Variants in GPC5 observed in about 807,000 individuals in gnomAD.
The protein encoded by GPC5 is glypican-5.
GPC5 carries 47 observed loss-of-function variants against 53.9 expected under a neutral mutation model. The ratio of observed to expected loss-of-function variants is 0.87; its 90% CI spans 0.69 to 1.11. GPC5 has a LOEUF of 1.11. GPC5 is among the 50% of genes most tolerant of loss of function. The probability of loss-of-function intolerance (pLI) is 0.00; values close to 1 mark genes in which losing one functional copy is unlikely to be tolerated. For synonymous variants in GPC5, 286 were observed against 263.3 expected, an observed-to-expected ratio of 1.09 and a Z score of -0.84; for missense variants, 748 against 713.1, an observed-to-expected ratio of 1.05 and a Z score of -0.56.
chr13:92,607,533 G>A (rs561459187), intron 7 of GPC5, among the ~76,000 whole-genome samples: 16 of 152,130 alleles, frequency 1.1e-4, no homozygotes, highest in Admixed American at 3.3e-4. Flanking sequence ...TCCCTCTAAT[G>A]GAAGAGACTG....
intron 6 of GPC5, among the ~76,000 whole-genome samples, chr13:91,933,737 T>C (rs1403718527): frequency 1.3e-5 from 2 of 151,990 alleles, no homozygotes; most frequent in African/African-American, 4.8e-5. Flanking sequence ...TGTATTCTAC[T>C]GTGTATCATA....
At chr13:91,593,541 C>A (rs755402098) in intron 2 of GPC5, among the ~76,000 whole-genome samples, 17 of 152,100 alleles carry the variant, frequency 1.1e-4, no homozygotes, top group Middle Eastern at 3.2e-3. Context: ...TAATTTAACT[C>A]ATTTCTTCAA....
intron 7 of GPC5, among the ~76,000 whole-genome samples, chr13:92,740,060 C>T (rs1889044125): frequency 6.6e-6 from 1 of 151,922 alleles, no homozygotes; most frequent in African/African-American, 2.4e-5. Context: ...TATAACCTTC[C>T]TTCCCTATCC....
At chr13:92,114,464 G>T (rs7986858) in intron 6 of GPC5, among the ~76,000 whole-genome samples, 1 of 151,962 alleles carries the variant, frequency 6.6e-6, no homozygotes, top group Non-Finnish European at 1.5e-5. Context: ...GTGTTTTCCC[G>T]GGATAAGAGG....
At chr13:92,519,512 C>T (rs1162782164) in intron 7 of GPC5, among the ~76,000 whole-genome samples, 1 of 152,166 alleles carries the variant, frequency 6.6e-6, no homozygotes, top group Non-Finnish European at 1.5e-5. Context: ...ACTGAACAAC[C>T]TGCTCTTGAA....
chr13:92,314,813 C>T (rs2043167649), intron 7 of GPC5, among the ~76,000 whole-genome samples: 1 of 152,252 alleles, frequency 6.6e-6, no homozygotes, highest in South Asian at 2.1e-4. Flanking sequence ...TGCTCTGCCA[C>T]CCAGGCTGGA....
intron 6 of GPC5, among the ~76,000 whole-genome samples, chr13:92,031,004 T>A (rs553881219): frequency 2.6e-5 from 4 of 152,270 alleles, no homozygotes; most frequent in Non-Finnish European, 5.9e-5. Flanking sequence ...CCTATAAAAA[T>A]TTTTCATGGC....
At chr13:91,871,793 G>T (rs1030961150) in intron 5 of GPC5, among the ~76,000 whole-genome samples, 3 of 151,702 alleles carry the variant, frequency 2.0e-5, no homozygotes, top group Non-Finnish European at 4.4e-5. Context: ...ATGGAGTGAG[G>T]GAGAGAAAAT....
intron 7 of GPC5, among the ~76,000 whole-genome samples, chr13:92,409,303 A>G (rs1254243214): frequency 6.6e-6 from 1 of 151,894 alleles, no homozygotes; most frequent in Non-Finnish European, 1.5e-5. Flanking sequence ...AAATACAAAG[A>G]ACAATTAAAA....
chr13:92,448,181 A>G (rs768291614), intron 7 of GPC5: 2 of 152,140 alleles, frequency 1.3e-5, no homozygotes, highest in African/African-American at 2.4e-5. Flanking sequence ...AAATATTTTA[A>G]GATTAAAAAA....
At position 91,418,021 on chromosome 13, in the gene GPC5, T is replaced by G. The variant is rs140061136; in HGVS notation, c.163+18812T>G. On this transcript the variant is annotated intron_variant, in intron 1 of 7. Coordinates refer to ENST00000377067, the MANE Select transcript of GPC5 (RefSeq NM_004466.6). Reference sequence around the variant, plus strand: ...AAATTGCTTGCTGTTCTGAGTAGTATGATGATCTCTCTTACCTTCCAACTC... The same window carrying G: ...AAATTGCTTGCTGTTCTGAGTAGTAGGATGATCTCTCTTACCTTCCAACTC... Among the ~76,000 whole-genome samples the G allele has an allele frequency of 1.2e-4, 18 of 152,252 alleles. 1 individual carries two copies. The East Asian group carries it at 3.3e-3, about 28-fold the overall frequency.
chr13:92,657,152 T>C (rs1453608894), intron 7 of GPC5, among the ~76,000 whole-genome samples: 1 of 152,184 alleles, frequency 6.6e-6, no homozygotes, highest in Non-Finnish European at 1.5e-5. Context: ...TTGCAGGTGA[T>C]GGTGGAGACA....
intron 2 of GPC5, among the ~76,000 whole-genome samples, chr13:91,654,751 A>G (rs1221528547): frequency 6.6e-6 from 1 of 152,140 alleles, no homozygotes; most frequent in African/African-American, 2.4e-5. Flanking sequence ...TTTACAGGGT[A>G]ATTTCTTCTT....
chr13:92,071,106 T>C (rs1448142883), intron 6 of GPC5, among the ~76,000 whole-genome samples: 1 of 152,016 alleles, frequency 6.6e-6, no homozygotes, highest in Non-Finnish European at 1.5e-5. Context: ...CGTGGTGGCA[T>C]GCACCTGTAG....
chr13:92,476,811 G>T (rs9589560), intron 7 of GPC5, among the ~76,000 whole-genome samples: 12 of 143,712 alleles, frequency 8.4e-5, no homozygotes, highest in Middle Eastern at 3.5e-3. Flanking sequence ...ACCAAACACC[G>T]CATATTCTCA....
At chr13:91,622,308 C>A (rs919934152) in intron 2 of GPC5, among the ~76,000 whole-genome samples, 1 of 152,114 alleles carries the variant, frequency 6.6e-6, no homozygotes, top group African/African-American at 2.4e-5. Flanking sequence ...ATTTATCAAT[C>A]TTCCATTATT....
chr13:92,523,152 G>A (rs1479624735), intron 7 of GPC5, among the ~76,000 whole-genome samples: 1 of 152,120 alleles, frequency 6.6e-6, no homozygotes, highest in Non-Finnish European at 1.5e-5. Flanking sequence ...TGAATTGTTT[G>A]TAATAATGCT....
chr13:92,866,436 G>T lies in GPC5; in HGVS notation c.1716G>T (p.Trp572Cys). ...TGGTGATGTTACTTCCCGGGATTTG[G>T]TAACTGAACTCTTCTGTCCTGACAT... ...ISVVMLLPGI[W>C] is the part of the protein sequence containing the mutation. The change falls in exon 8 of 8, where the codon TGG becomes TGT. Residue 572 changes from tryptophan to cysteine, a missense_variant. Transcript: ENST00000377067. The T allele has an allele frequency of 6.2e-7, 1 of 1,600,958 alleles. No individual in the cohort carries two copies. Among genetic ancestry groups the T allele is most frequent in the Non-Finnish European group, 8.5e-7 (1 of 1,172,074 alleles).
intron 7 of GPC5, among the ~76,000 whole-genome samples, chr13:92,405,813 A>T (rs1023012): frequency 0.38 from 58,095 of 152,000 alleles, 11,426 homozygotes; most frequent in Non-Finnish European, 0.42. Flanking sequence ...ACGTCCTCTG[A>T]AATCACACGT....
Sources: gnomAD v4.1 joint callset for allele counts (sites outside exome capture counted in the v4.1 genomes callset) on GRCh38, gnomAD v4.1.1 for gene constraint, MANE v1.5 for transcripts, NCBI Gene and HGNC (gene_info 2026-07-23, HGNC 2026-07-21) for gene names.